The following IMMP2L variants were observed in gnomAD, a reference collection of about 807,000 sequenced individuals.
The protein encoded by IMMP2L is mitochondrial inner membrane protease subunit 2.
A neutral mutation model predicts 19.3 loss-of-function variants in IMMP2L; 18 were observed. The ratio of observed to expected loss-of-function variants is 0.93; its 90% CI spans 0.64 to 1.38. The LOEUF is 1.38. Ranked by LOEUF, IMMP2L falls within the 40% of genes most tolerant of loss-of-function variation. IMMP2L has a pLI of 0.00. For synonymous variants in IMMP2L, 76 were observed against 73.0 expected, an observed-to-expected ratio of 1.04 and a Z score of -0.21; for missense variants, 233 against 218.2, an observed-to-expected ratio of 1.07 and a Z score of -0.43.
chr7:111,330,549 T>G lies in IMMP2L; in HGVS notation c.239+156689A>C, dbSNP rs571172507. 4.6e-5 allele frequency among the ~76,000 whole-genome samples: 7 copies of G among 151,714 alleles called. No homozygotes were observed. In the East Asian group the frequency reaches 9.7e-4, roughly 21 times the overall value. ...GTAACAATCAACTCAGAGACATATT[T>G]TAGTAAAAGTAGTAGACATTCAAGA... On this transcript the variant is annotated intron_variant, in intron 3 of 5. Coordinates refer to ENST00000405709, the MANE Select transcript of IMMP2L (RefSeq NM_032549.4).
At position 111,520,580 on chromosome 7, in the gene IMMP2L, A is replaced by T. The variant is rs1036339898; in HGVS notation, c.135+733T>A. On this transcript the variant is annotated intron_variant, in intron 2 of 5. Transcript: ENST00000405709. ...TAATTTTGATTTTTTAGAAGCTTAT[A>T]TATTCATTTTAGTTATTTGTTTTAT... 7.2e-5 allele frequency among the ~76,000 whole-genome samples: 11 copies of T among 152,234 alleles called. 1 individual carries two copies. The highest frequency in any genetic ancestry group is 3.4e-3 in the Middle Eastern group (1 of 294).
chr7:111,348,170 G>A (rs1021495559), intron 3 of IMMP2L, among the ~76,000 whole-genome samples: 38 of 150,952 alleles, frequency 2.5e-4, no homozygotes, highest in African/African-American at 9.2e-4. Flanking sequence ...GATAGCATTA[G>A]GAGATAGACC....
intron 3 of IMMP2L, among the ~76,000 whole-genome samples, chr7:111,351,442 G>C (rs1395421217): frequency 6.6e-6 from 1 of 152,054 alleles, no homozygotes. Flanking sequence ...GCCCACCTCA[G>C]CCTCCCAAAG....
chr7:111,483,590 G>GA (rs1343035726), intron 3 of IMMP2L: 5 of 152,038 alleles, frequency 3.3e-5, no homozygotes, highest in African/African-American at 1.2e-4. Flanking sequence ...TGAAAAATAA[G>GA]AAAGATATGC....
At chr7:111,515,161 T>A (rs1193176689) in intron 2 of IMMP2L, among the ~76,000 whole-genome samples, 1 of 152,162 alleles carries the variant, frequency 6.6e-6, no homozygotes, top group Non-Finnish European at 1.5e-5. Flanking sequence ...CTATAAGGCC[T>A]GGTTGCAAGC....
intron 5 of IMMP2L, among the ~76,000 whole-genome samples, chr7:110,789,139 G>A (rs1459116893): frequency 1.3e-5 from 2 of 151,786 alleles, no homozygotes; most frequent in African/African-American, 4.9e-5. Context: ...GACACTTCCA[G>A]ATAATTCCAG....
At chr7:110,998,818 G>C (rs1331616293) in intron 3 of IMMP2L, among the ~76,000 whole-genome samples, 1 of 152,154 alleles carries the variant, frequency 6.6e-6, no homozygotes, top group African/African-American at 2.4e-5. Context: ...GGTGAAAGCA[G>C]TTGTACAGCC....
intron 4 of IMMP2L, among the ~76,000 whole-genome samples, chr7:110,894,225 C>T (rs1811098543): frequency 1.3e-5 from 2 of 152,166 alleles, no homozygotes; most frequent in South Asian, 2.1e-4. Context: ...GCCTATAATA[C>T]CTCCCCTCAG....
At chr7:111,556,964 T>C (rs1585685278) in intron 1 of IMMP2L, among the ~76,000 whole-genome samples, 1 of 152,070 alleles carries the variant, frequency 6.6e-6, no homozygotes. Flanking sequence ...ACTCATTCTC[T>C]TCTCCCTCAT....
chr7:110,839,492 T>C (rs1804840670), intron 5 of IMMP2L, among the ~76,000 whole-genome samples: 2 of 152,190 alleles, frequency 1.3e-5, no homozygotes, highest in South Asian at 2.1e-4. Context: ...GAGTATGTAG[T>C]CCTTAACAAC....
At chr7:111,378,002 TA>T (rs935334827) in intron 3 of IMMP2L, among the ~76,000 whole-genome samples, 3 of 151,688 alleles carry the variant, frequency 2.0e-5, no homozygotes, top group Admixed American at 6.6e-5. Context: ...GAGAATCCAT[TA>T]AAAAAAATCA....
chr7:111,118,481 G>A (rs188394922), intron 3 of IMMP2L, among the ~76,000 whole-genome samples: 31 of 152,008 alleles, frequency 2.0e-4, no homozygotes, highest in Admixed American at 1.5e-3. Context: ...TGATTTTAAC[G>A]GCCTAAACTA....
chr7:111,045,683 A>G (rs960101572), intron 3 of IMMP2L, among the ~76,000 whole-genome samples: 2 of 152,202 alleles, frequency 1.3e-5, no homozygotes, highest in Admixed American at 6.5e-5. Context: ...GAATGGAGCC[A>G]TGAGCCAAGG....
At chr7:110,695,794 G>A (rs532589040) in intron 5 of IMMP2L, among the ~76,000 whole-genome samples, 4 of 152,014 alleles carry the variant, frequency 2.6e-5, no homozygotes, top group African/African-American at 7.2e-5. Context: ...AGCCTAGTCC[G>A]ACAGACCATT....
intron 3 of IMMP2L, among the ~76,000 whole-genome samples, chr7:111,304,188 G>C (rs774058455): frequency 6.6e-6 from 1 of 152,060 alleles, no homozygotes; most frequent in Non-Finnish European, 1.5e-5. Context: ...TTAAACTAAT[G>C]AAAGGATGAA....
At chr7:110,984,552 T>TA (rs1821656616) in intron 3 of IMMP2L, among the ~76,000 whole-genome samples, 2 of 152,104 alleles carry the variant, frequency 1.3e-5, no homozygotes, top group Admixed American at 1.3e-4. Flanking sequence ...AAAAACATAG[T>TA]AATAATTTGA....
intron 5 of IMMP2L, among the ~76,000 whole-genome samples, chr7:110,800,614 A>G (rs1801174417): frequency 6.6e-6 from 1 of 152,092 alleles, no homozygotes; most frequent in South Asian, 2.1e-4. Flanking sequence ...ATGAAAATAT[A>G]TGGATGTAGA....
chr7:111,368,973 A>T (rs1461980034), intron 3 of IMMP2L, among the ~76,000 whole-genome samples: 2 of 151,938 alleles, frequency 1.3e-5, no homozygotes, highest in Non-Finnish European at 2.9e-5. Context: ...GTTTTGTTAT[A>T]TTCATAAAAT....
At chr7:110,919,983 G>A (rs1333429478) in intron 4 of IMMP2L, among the ~76,000 whole-genome samples, 1 of 152,154 alleles carries the variant, frequency 6.6e-6, no homozygotes, top group African/African-American at 2.4e-5. Context: ...TTCATCTTCT[G>A]TGCTGGATGC....
Sources: gnomAD v4.1 joint callset for allele counts (sites outside exome capture counted in the v4.1 genomes callset) on GRCh38, gnomAD v4.1.1 for gene constraint, MANE v1.5 for transcripts, NCBI Gene and HGNC (gene_info 2026-07-23, HGNC 2026-07-21) for gene names.